Variants in YJU2B observed in about 807,000 individuals in gnomAD.
YJU2B encodes the protein probable splicing factor YJU2B.
YJU2B carries 18 observed loss-of-function variants against 38.0 expected under a neutral mutation model. The ratio of observed to expected loss-of-function variants is 0.47; its 90% confidence interval spans 0.33 to 0.70. YJU2B has a LOEUF of 0.70. YJU2B is among the 30% of genes least tolerant of loss of function. The pLI, the probability that YJU2B is intolerant of heterozygous loss-of-function variation, is 0.02. For missense variants in YJU2B, 538 were observed against 556.3 expected (o/e 0.97, Z 0.33); for synonymous variants, 246 against 225.4 (o/e 1.09, Z -0.82).
At chr19:13,760,745 C>A (rs1225759915) in intron 8 of YJU2B, among the ~76,000 whole-genome samples, 1 of 151,786 alleles carries the variant, frequency 6.6e-6, no homozygotes, top group Non-Finnish European at 1.5e-5. Context: ...AGGCATGAGC[C>A]ATCACACCTG....
At chr19:13,734,830 C>T (rs1972904011) in intron 2 of YJU2B, among the ~76,000 whole-genome samples, 1 of 151,872 alleles carries the variant, frequency 6.6e-6, no homozygotes, top group South Asian at 2.1e-4. Context: ...TGGTCTCAAA[C>T]TCCCTGGGGC....
intron 3 of YJU2B, 53 bp from the exon 4 acceptor site, chr19:13,756,144 G>A (rs747012260): frequency 1.1e-5 from 16 of 1,458,450 alleles, no homozygotes; most frequent in East Asian, 2.3e-5. Flanking sequence ...GCAGAAAATT[G>A]TGAGCTCCTC....
In YJU2B at chr19:13,735,849, G is replaced by A. The variant is rs545883517; in HGVS notation, c.-202+3564G>A. On this transcript the variant is annotated intron_variant, in intron 2 of 10. Coordinates refer to the YJU2B transcript ENST00000586600. Reference sequence around the variant, plus strand: ...GGGCGGATCACGAGGTCAGGAGATCGAGGCCATCCTGGCTAACACGGTGAA... The same window carrying A: ...GGGCGGATCACGAGGTCAGGAGATCAAGGCCATCCTGGCTAACACGGTGAA... Among the ~76,000 whole-genome samples the A allele has an allele frequency of 6.1e-5, 9 of 146,540 alleles. No homozygotes were observed. In the East Asian group the frequency reaches 9.7e-4, roughly 16 times the overall value.
intron 2 of YJU2B, among the ~76,000 whole-genome samples, chr19:13,753,574 C>CAAAAAAAAAA (rs34397712): frequency 1.4e-5 from 1 of 71,882 alleles, no homozygotes; most frequent in African/African-American, 5.9e-5. Context: ...AACTCTGTCT[C>CAAAAAAAAAA]AAAAAAAAAA....
intron 1 of YJU2B, among the ~76,000 whole-genome samples, chr19:13,751,039 G>A (rs908744851): frequency 9.2e-5 from 14 of 152,086 alleles, no homozygotes; most frequent in African/African-American, 3.1e-4. Flanking sequence ...GGCCCCACAG[G>A]CCGTGGGAAG....
rs753827172 is a variant in YJU2B, at chr19:13,751,830, G to T, written c.3+19G>T. 10 of 1,613,876 alleles carry T rather than the reference G, an allele frequency of 6.2e-6. No individual in the cohort carries two copies. Among genetic ancestry groups the T allele is most frequent in the Admixed American group, 1.7e-5 (1 of 60,016 alleles). On this transcript the variant is annotated intron_variant, in intron 2 of 9. Coordinates refer to ENST00000221554, the MANE Select transcript of YJU2B (RefSeq NM_030818.4). ...CAAGATGGTGAGTAGACAGCCTCGT[G>T]TGCCCTGGGTTTCTCTCCCAGTCTT...
At chr19:13,744,946 T>TGG (rs1238790018), upstream of YJU2B, among the ~76,000 whole-genome samples, 3 of 149,512 alleles carry the variant, frequency 2.0e-5, no homozygotes, top group African/African-American at 5.0e-5. Flanking sequence ...TGAGCCGAGA[T>TGG]CATGCCACTG....
chr19:13,757,661 G>A (rs545968838), intron 5 of YJU2B, 125 bp from the exon 6 acceptor site: 16 of 1,150,278 alleles, frequency 1.4e-5, no homozygotes, highest in Admixed American at 6.8e-5. Context: ...TTCCAATCCC[G>A]TCTCTAACTC....
chr19:13,757,840 T>C lies in YJU2B; in HGVS notation c.251T>C (p.Ile84Thr). Reference sequence around the variant, plus strand: ...GTGGGCAATTACTACACAACCCCGATCTACAGGTAAGGGCGGCTTGGTGGC... The same window carrying C: ...GTGGGCAATTACTACACAACCCCGACCTACAGGTAAGGGCGGCTTGGTGGC... ...KKVGNYYTTPIYRFRMKCHLC... is the reference protein window; with the variant it reads ...KKVGNYYTTPTYRFRMKCHLC... Residue 84 changes from isoleucine to threonine, a missense_variant, in exon 6 of 10, where the codon ATC (isoleucine) becomes ACC (threonine). By Grantham distance (89) the Ile-to-Thr change is moderately conservative. Around this residue, in one of 2 missense-constraint regions of YJU2B, gnomAD observed 488 missense variants for 469.5 expected, o/e 1.04. Transcript: ENST00000221554. 6.2e-7 allele frequency: 1 copy of C among 1,613,826 alleles called. No individual in the cohort carries two copies. Among genetic ancestry groups the C allele is most frequent in the African/African-American group, 1.3e-5 (1 of 74,972 alleles).
At chr19:13,738,988 C>T (rs2084451) in intron 2 of YJU2B, among the ~76,000 whole-genome samples, 45,406 of 151,524 alleles carry the variant, frequency 0.3, 7,207 homozygotes, top group Middle Eastern at 0.52. Context: ...TGGTTGAACC[C>T]GGGAGACAGA....
intron 2 of YJU2B, among the ~76,000 whole-genome samples, chr19:13,738,203 C>A (rs1450466723): frequency 3.9e-5 from 6 of 152,212 alleles, no homozygotes; most frequent in Non-Finnish European, 7.3e-5. Context: ...GAAGTTTCCT[C>A]TTCATCGTGG....
At chr19:13,732,931 A>ATT (rs757629860) in intron 2 of YJU2B, among the ~76,000 whole-genome samples, 3 of 125,412 alleles carry the variant, frequency 2.4e-5, no homozygotes, top group East Asian at 2.3e-4. Flanking sequence ...ACCTTTTGAA[A>ATT]TTTTTTTTTT....
chr19:13,750,455 GACCTCAGGGGATCC>G (rs1274056769), intron 1 of YJU2B, among the ~76,000 whole-genome samples: 1 of 152,082 alleles, frequency 6.6e-6, no homozygotes, highest in Non-Finnish European at 1.5e-5. Flanking sequence ...TTGAACTCCT[GACCTCAGGGGATCC>G]ACCTGCTTCA....
In YJU2B at chr19:13,751,675, C is replaced by T; in HGVS notation, c.-134C>T. The stretch of plus-strand genomic sequence containing the variant: ...TGTCTGAGCTGGCACCACCACACGG[C>T]CCACGACATCTTCGCAGGGAAGCCT... On this transcript the variant is annotated 5_prime_UTR_variant, in exon 2 of 10. Coordinates refer to ENST00000221554, the MANE Select transcript of YJU2B (RefSeq NM_030818.4). The T allele has an allele frequency of 2.2e-6, 2 of 921,846 alleles. No individual in the cohort carries two copies. The highest frequency in any genetic ancestry group is 2.8e-5 in the South Asian group (2 of 70,204). 57.1% of individuals were successfully genotyped at this position (921,846 alleles called of 1,614,324 possible). A position where few individuals can be genotyped will look rare whatever the true frequency, so the allele number is the denominator to read the frequency against.
At chr19:13,748,227 G>A (rs1011782249) in intron 1 of YJU2B, among the ~76,000 whole-genome samples, 9 of 152,228 alleles carry the variant, frequency 5.9e-5, no homozygotes, top group African/African-American at 1.9e-4. Context: ...CGGGAAAATG[G>A]GACCAATAAG....
chr19:13,751,760 G>GT lies in YJU2B; in HGVS notation c.-46dup, dbSNP rs763548625. 5 of 1,612,632 alleles carry GT rather than the reference G, an allele frequency of 3.1e-6. No homozygotes were observed. In the African/African-American group the frequency reaches 5.3e-5, roughly 17 times the overall value. ...ACAGTGCAGTGTGTTCACAAGGCCA[G>GT]TTTCTGATCGTCCGCCCCGAGGCTG... On this transcript the variant is annotated 5_prime_UTR_variant, in exon 2 of 10. Coordinates refer to ENST00000221554, the MANE Select transcript of YJU2B (RefSeq NM_030818.4).
In YJU2B at chr19:13,758,958, G is replaced by T. The variant is rs781031617; in HGVS notation, c.348G>T (p.Gln116His). 1 of 1,614,046 alleles carries T rather than the reference G, an allele frequency of 6.2e-7. No individual in the cohort carries two copies. ...ACTACGTGATCGTGAGTGGCGCCCA[G>T]CGCAAGGAGGAGCGCTGGGACATGG... ...NCDYVIVSGA[Q>H]RKEERWDMAD... The change falls in exon 7 of 10, where the codon CAG becomes CAT. Residue 116 changes from glutamine to histidine, a missense_variant. Physicochemically the swap from Gln to His is conservative, Grantham distance 24. Transcript: ENST00000221554.
At position 13,751,820 on chromosome 19, in the gene YJU2B, AC is replaced by A; in HGVS notation, c.3+10del. On this transcript the variant is annotated intron_variant, in intron 2 of 9. Transcript: ENST00000221554. Reference sequence around the variant, plus strand: ...AGGCAGCTCCCAAGATGGTGAGTAGACAGCCTCGTGTGCCCTGGGTTTCTCT... The same window carrying A: ...AGGCAGCTCCCAAGATGGTGAGTAGAAGCCTCGTGTGCCCTGGGTTTCTCT... 1.2e-6 allele frequency: 2 copies of A among 1,614,044 alleles called. No homozygotes were observed. The highest frequency in any genetic ancestry group is 4.5e-5 in the East Asian group (2 of 44,864).
rs747929593 is a variant in YJU2B, at chr19:13,762,938, G to A, written c.1061G>A (p.Gly354Glu). Reference protein sequence around the residue: ...PKCSSPRGQEGSRQDKPLSPA... With the variant: ...PKCSSPRGQEESRQDKPLSPA... ...TGCAGCAGCCCGAGGGGGCAGGAAG[G>A]GAGCCGTCAGGACAAGCCCCTGTCG... The change falls in exon 10 of 10, where the codon GGG becomes GAG. Residue 354 changes from glycine to glutamate, a missense_variant. This residue lies in a region of YJU2B where 488 missense variants were observed against 469.5 expected (regional missense o/e 1.04). Coordinates refer to ENST00000221554, the MANE Select transcript of YJU2B (RefSeq NM_030818.4). The A allele has an allele frequency of 2.0e-5, 32 of 1,611,766 alleles. No individual in the cohort carries two copies. In the African/African-American group the frequency reaches 4.0e-4, roughly 20 times the overall value.
Sources: allele counts gnomAD v4.1 joint callset (sites outside exome capture counted in the v4.1 genomes callset), GRCh38; gene constraint gnomAD v4.1.1; regional missense constraint gnomAD v4.1.1; transcripts MANE v1.5; gene names NCBI Gene and HGNC (gene_info 2026-07-23, HGNC 2026-07-21).